Variants in SHISA9 observed in about 807,000 individuals in gnomAD.
The protein encoded by SHISA9 is shisa family member 9, also known as protein shisa-9.
Under a neutral mutation model 38.0 loss-of-function variants are expected in SHISA9, and 13 were observed. The ratio of observed to expected loss-of-function variants is 0.34; its 90% CI spans 0.22 to 0.54. The LOEUF (loss-of-function observed/expected upper bound fraction) is 0.54. Ranked by LOEUF, SHISA9 falls within the 20% of genes least tolerant of loss-of-function variation. SHISA9 has a pLI of 0.91. For synonymous variants in SHISA9, 275 were observed against 242.0 expected (o/e 1.14, Z -1.27); for missense variants, 538 against 575.8 (o/e 0.93, Z 0.67).
chr16:12,964,800 C>G (rs1346322142), intron 2 of SHISA9, among the ~76,000 whole-genome samples: 2 of 152,118 alleles, frequency 1.3e-5, no homozygotes, highest in African/African-American at 2.4e-5. Flanking sequence ...TGTTTCCCTC[C>G]ACAGTAAGCA....
the SHISA9 span, among the ~76,000 whole-genome samples, chr16:13,521,490 ACT>A: frequency 6.6e-6 from 1 of 152,036 alleles, no homozygotes; most frequent in East Asian, 1.9e-4. Context: ...ATCCTGTTCA[ACT>A]CTGTCACTTT....
At chr16:13,403,506 A>G in the SHISA9 span, among the ~76,000 whole-genome samples, 3 of 152,234 alleles carry the variant, frequency 2.0e-5, no homozygotes, top group Non-Finnish European at 4.4e-5. Flanking sequence ...TCAAGTAGCA[A>G]CCATGCTAAT....
rs527618619 is a variant in SHISA9, at chr16:13,010,042, G to A, written c.691+93227G>A. 2.8e-3 allele frequency among the ~76,000 whole-genome samples: 431 copies of A among 152,222 alleles called. 2 individuals carry two copies. Among genetic ancestry groups the A allele is most frequent in the African/African-American group, 0.01 (416 of 41,548 alleles). On this transcript the variant is annotated intron_variant, in intron 2 of 4. Transcript: ENST00000558583. ...AAATAAAAAAAATTAGCTGGTTGTG[G>A]TGGTACACACCTGTGGTCCCAGCTA... is the stretch of plus-strand genomic sequence containing the variant.
the SHISA9 span, among the ~76,000 whole-genome samples, chr16:13,396,186 A>T: frequency 6.6e-6 from 1 of 152,318 alleles, no homozygotes; most frequent in East Asian, 1.9e-4. Flanking sequence ...TTCCAAATGG[A>T]TGAGTCTCCT....
chr16:13,137,306 A>G (rs372062298), intron 2 of SHISA9, among the ~76,000 whole-genome samples: 9 of 152,206 alleles, frequency 5.9e-5, no homozygotes, highest in Non-Finnish European at 1.0e-4. Flanking sequence ...ATGAAAAAAT[A>G]TGTCTCAAGA....
chr16:13,466,695 A>AT, the SHISA9 span, among the ~76,000 whole-genome samples: 1 of 152,244 alleles, frequency 6.6e-6, no homozygotes, highest in African/African-American at 2.4e-5. Flanking sequence ...ATTTGTGCAT[A>AT]TATCACATAT....
At chr16:12,938,270 C>G (rs2071559835) in intron 2 of SHISA9, among the ~76,000 whole-genome samples, 1 of 152,182 alleles carries the variant, frequency 6.6e-6, no homozygotes, top group Non-Finnish European at 1.5e-5. Flanking sequence ...GGAATTGAGA[C>G]CATAGTGGGG....
chr16:13,524,532 C>T, the SHISA9 span, among the ~76,000 whole-genome samples: 1 of 152,114 alleles, frequency 6.6e-6, no homozygotes, highest in Non-Finnish European at 1.5e-5. Flanking sequence ...TAGTGTTTCT[C>T]AACCTCAGGA....
chr16:13,271,457 C>A, the SHISA9 span, among the ~76,000 whole-genome samples: 1 of 152,120 alleles, frequency 6.6e-6, no homozygotes, highest in African/African-American at 2.4e-5. Context: ...ATGACCAGTG[C>A]TGTTATGAAT....
At chr16:13,476,880 C>T in the SHISA9 span, among the ~76,000 whole-genome samples, 3 of 151,112 alleles carry the variant, frequency 2.0e-5, no homozygotes, top group African/African-American at 7.3e-5. Context: ...TCCCGAGTAG[C>T]TGGGACTACA....
In SHISA9 at chr16:12,903,617, G is replaced by A. The variant is rs529628426; in HGVS notation, c.563+990G>A. 2.6e-5 allele frequency among the ~76,000 whole-genome samples: 4 copies of A among 152,362 alleles called. No homozygotes were observed. In the South Asian group the frequency reaches 8.3e-4, roughly 32 times the overall value. On this transcript the variant is annotated intron_variant, in intron 1 of 4. Transcript: ENST00000558583. ...GAGCACTAAGCCCCCGGCCGCGGGA[G>A]AGGCTGGGGGTTGGCGTGAGGTCCG...
At chr16:13,306,056 A>C in the SHISA9 span, among the ~76,000 whole-genome samples, 4 of 152,320 alleles carry the variant, frequency 2.6e-5, no homozygotes, top group East Asian at 7.7e-4. Context: ...CAGAGGTGGC[A>C]GAGGAGATTC....
At chr16:13,384,596 A>ATCTTTCAGGGT in the SHISA9 span, among the ~76,000 whole-genome samples, 50 of 152,302 alleles carry the variant, frequency 3.3e-4, no homozygotes, top group African/African-American at 1.1e-3. Context: ...TACAGCAAAC[A>ATCTTTCAGGGT]TCTTTCAGGG....
At chr16:13,459,146 G>T in the SHISA9 span, among the ~76,000 whole-genome samples, 2 of 152,086 alleles carry the variant, frequency 1.3e-5, no homozygotes, top group East Asian at 3.9e-4. Flanking sequence ...GAGCCACTGT[G>T]CCAGGCCAAA....
At chr16:13,547,583 C>T in the SHISA9 span, among the ~76,000 whole-genome samples, 1,033 of 152,224 alleles carry the variant, frequency 6.8e-3, 6 homozygotes, top group Admixed American at 0.011. Flanking sequence ...TGCCATTTTT[C>T]TGCATTTTTG....
the SHISA9 span, among the ~76,000 whole-genome samples, chr16:13,440,985 G>C: frequency 2.0e-5 from 3 of 152,068 alleles, no homozygotes; most frequent in African/African-American, 2.4e-5. Flanking sequence ...TCTGGGAGTC[G>C]AGAAAATTAA....
intron 2 of SHISA9, among the ~76,000 whole-genome samples, chr16:13,073,953 G>T (rs1182441962): frequency 2.1e-5 from 3 of 142,780 alleles, no homozygotes; most frequent in South Asian, 2.2e-4. Flanking sequence ...AATTTCTGCT[G>T]GTCGTTTTTT....
At chr16:12,946,149 G>A (rs1178135562) in intron 2 of SHISA9, among the ~76,000 whole-genome samples, 1 of 152,158 alleles carries the variant, frequency 6.6e-6, no homozygotes, top group Non-Finnish European at 1.5e-5. Flanking sequence ...CCAGATGGTT[G>A]TAGATGTGTG....
the SHISA9 span, among the ~76,000 whole-genome samples, chr16:13,533,822 C>G: frequency 3.5e-5 from 5 of 144,006 alleles, no homozygotes; most frequent in African/African-American, 5.2e-5. Flanking sequence ...CTCGCTGTAT[C>G]GCCTAGGCTG....
Sources: allele counts gnomAD v4.1 joint callset (sites outside exome capture counted in the v4.1 genomes callset), GRCh38; gene constraint gnomAD v4.1.1; transcripts MANE v1.5; gene names NCBI Gene and HGNC (gene_info 2026-07-23, HGNC 2026-07-21).